The following KICS2 variants were observed in gnomAD, a reference collection of about 807,000 sequenced individuals.
KICS2 encodes the protein KICSTOR subunit 2, also known as KICSTOR complex protein C12orf66.
KICS2 carries 13 observed loss-of-function variants against 31.4 expected under a neutral mutation model. The observed-to-expected ratio is 0.41, with a 90% CI of 0.27 to 0.66. The LOEUF (loss-of-function observed/expected upper bound fraction) is 0.66. KICS2 is among the 30% of genes least tolerant of loss of function. KICS2 has a pLI of 0.28. For missense variants in KICS2, 455 were observed against 545.4 expected (o/e 0.83, Z 1.65); for synonymous variants, 209 against 214.8 (o/e 0.97, Z 0.24).
At chr12:64,203,185 G>A (rs1453351501) in intron 2 of KICS2, among the ~76,000 whole-genome samples, 1 of 152,160 alleles carries the variant, frequency 6.6e-6, no homozygotes, top group Non-Finnish European at 1.5e-5. Flanking sequence ...CAGAAATTTA[G>A]TCAATGTGGT....
rs2037410250 is a variant in KICS2, at chr12:64,194,257, T to A, written c.923A>T (p.Tyr308Phe). 6.2e-7 allele frequency: 1 copy of A among 1,614,228 alleles called. No individual in the cohort carries two copies. The highest frequency in any genetic ancestry group is 8.5e-7 in the Non-Finnish European group (1 of 1,180,046). The change falls in exon 3 of 3, where the codon TAT (tyrosine) becomes TTT (phenylalanine). Residue 308 changes from tyrosine (Y) to phenylalanine (F), a missense_variant. Tyr to Phe is a conservative substitution (Grantham distance 22). Coordinates refer to ENST00000398055, the MANE Select transcript of KICS2 (RefSeq NM_152440.5). ...AATTAAGGACACATTGGCAGCATCA[T>A]ATTTTCTGATGAAGCTGGAAATCTT... ...FGKISSFIRK[Y>F]DAANVSLIFD...
chr12:64,196,018 T>A (rs1476108607), intron 2 of KICS2, among the ~76,000 whole-genome samples: 5 of 152,054 alleles, frequency 3.3e-5, no homozygotes, highest in African/African-American at 1.2e-4. Context: ...GCAGCGAGGC[T>A]GGGGGAGGGG....
At chr12:64,218,533 T>C (rs1338402326) in intron 1 of KICS2, among the ~76,000 whole-genome samples, 2 of 152,232 alleles carry the variant, frequency 1.3e-5, no homozygotes, top group African/African-American at 2.4e-5. Context: ...CTGATACATT[T>C]TTTAAAACTC....
At chr12:64,212,405 A>G (rs1296996659) in intron 2 of KICS2, among the ~76,000 whole-genome samples, 2 of 152,216 alleles carry the variant, frequency 1.3e-5, no homozygotes, top group African/African-American at 4.8e-5. Flanking sequence ...GGTATTTCGC[A>G]TAATGGAAAT....
chr12:64,222,154 G>A lies in KICS2; in HGVS notation c.84C>T (p.Phe28=). 1 of 1,614,108 alleles carries A rather than the reference G, an allele frequency of 6.2e-7. No individual in the cohort carries two copies. The highest frequency in any genetic ancestry group is 8.5e-7 in the Non-Finnish European group (1 of 1,179,968). ...LETFFSHLGI[F]SYDKAKDNVE... ...CATTGTCCTTAGCCTTGTCGTAAGA[G>A]AAGATACCCAGGTGAGAGAAGAACG... is the stretch of plus-strand genomic sequence containing the variant. The change falls in exon 1 of 3, where the codon TTC becomes TTT. Residue 28 remains phenylalanine (F), a synonymous_variant. Coordinates refer to ENST00000398055, the MANE Select transcript of KICS2 (RefSeq NM_152440.5).
chr12:64,203,494 G>C (rs1227238962), intron 2 of KICS2, among the ~76,000 whole-genome samples: 1 of 152,160 alleles, frequency 6.6e-6, no homozygotes, highest in African/African-American at 2.4e-5. Context: ...GTAAAGGCAG[G>C]GGAAGTACTT....
At chr12:64,208,463 G>A (rs1009640761) in intron 2 of KICS2, among the ~76,000 whole-genome samples, 10 of 152,216 alleles carry the variant, frequency 6.6e-5, no homozygotes, top group Admixed American at 6.5e-4. Context: ...CAAATGACTA[G>A]GAGAGAGTGC....
Position 64,206,942 on chromosome 12 carries a change from T to C in KICS2, c.521+8736A>G, listed in dbSNP as rs114606578. Among the ~76,000 whole-genome samples, 1,131 of 152,198 alleles carry C rather than the reference T, an allele frequency of 7.4e-3. 18 individuals carry two copies. The highest frequency in any genetic ancestry group is 0.025 in the African/African-American group (1,052 of 41,540). ...GTTTCAGTGAGGCGAGATGAAAATA[T>C]TCTAAAGATCTACTACAAAAGACTG... On this transcript the variant is annotated intron_variant, in intron 2 of 2. Coordinates refer to ENST00000398055, the MANE Select transcript of KICS2 (RefSeq NM_152440.5).
Position 64,193,067 on chromosome 12 carries a change from G to A in KICS2, c.*775C>T, listed in dbSNP as rs1003814560. ...AGCAGAAAAGTGATAAACAGAAAGCGAAGCGGATAATATGCTGAAGAATGA... is the reference window on the plus strand; with the variant it reads ...AGCAGAAAAGTGATAAACAGAAAGCAAAGCGGATAATATGCTGAAGAATGA... On this transcript the variant is annotated 3_prime_UTR_variant, in exon 3 of 3. Transcript: ENST00000398055. 1.4e-5 allele frequency: 14 copies of A among 985,314 alleles called. No individual in the cohort carries two copies. In the East Asian group the frequency reaches 7.9e-4, roughly 56 times the overall value. 61.0% of individuals were successfully genotyped at this position (985,314 alleles called of 1,614,324 possible). A position where few individuals can be genotyped will look rare whatever the true frequency, so the allele number is the denominator to read the frequency against.
rs2037692964 is a variant in KICS2 at position 64,222,291 on chromosome 12, G to C, written c.-54C>G. ...GGCTCTCCTCGGCCTCGCACTTCCG[G>C]GTTCTGAGGGAACGGGCTTGCGCAC... is the stretch of plus-strand genomic sequence containing the variant. On this transcript the variant is annotated 5_prime_UTR_variant, in exon 1 of 3. Coordinates refer to ENST00000398055, the MANE Select transcript of KICS2 (RefSeq NM_152440.5). The C allele has an allele frequency of 1.3e-6, 2 of 1,589,278 alleles. No individual in the cohort carries two copies. The highest frequency in any genetic ancestry group is 8.6e-7 in the Non-Finnish European group (1 of 1,167,966).
In KICS2 at chr12:64,222,197, T is replaced by C; in HGVS notation, c.41A>G (p.Glu14Gly). 6.2e-7 allele frequency: 1 copy of C among 1,614,024 alleles called. No homozygotes were observed. The highest frequency in any genetic ancestry group is 2.2e-5 in the East Asian group (1 of 44,856). ...SIPLAAPVPV[E>G]QAVLETFFSH... is the part of the protein sequence containing the mutation. ...GAAGAACGTCTCCAGCACCGCCTGT[T>C]CCACCGGGACCGGGGCGGCCAGCGG... Residue 14 changes from glutamate to glycine, a missense_variant, in exon 1 of 3, where the codon GAA becomes GGA. By Grantham distance (98) the Glu-to-Gly change is moderately conservative. Transcript: ENST00000398055.
chr12:64,201,559 A>T (rs1460642958), intron 2 of KICS2, among the ~76,000 whole-genome samples: 1 of 139,300 alleles, frequency 7.2e-6, no homozygotes, highest in Non-Finnish European at 1.6e-5. Context: ...TACATATGTA[A>T]CTAACCTGCA....
At chr12:64,212,608 C>G (rs1014846949) in intron 2 of KICS2, among the ~76,000 whole-genome samples, 1 of 152,088 alleles carries the variant, frequency 6.6e-6, no homozygotes, top group African/African-American at 2.4e-5. Flanking sequence ...TGCTTCTGCC[C>G]TTTGGCTATC....
intron 2 of KICS2, among the ~76,000 whole-genome samples, chr12:64,205,435 C>T (rs527521026): frequency 4.4e-4 from 67 of 152,276 alleles, no homozygotes; most frequent in African/African-American, 1.3e-3. Flanking sequence ...TCCACTCTGC[C>T]ATGTGCCTCA....
At chr12:64,214,401 A>T (rs1228858538) in intron 2 of KICS2, among the ~76,000 whole-genome samples, 1 of 152,236 alleles carries the variant, frequency 6.6e-6, no homozygotes, top group African/African-American at 2.4e-5. Context: ...GGATAGTGAG[A>T]GAAGCCTTCT....
Position 64,215,946 on chromosome 12 carries a change from T to C in KICS2, c.253A>G (p.Ser85Gly). 1.9e-6 allele frequency: 3 copies of C among 1,610,744 alleles called. No individual in the cohort carries two copies. The highest frequency in any genetic ancestry group is 2.2e-5 in the East Asian group (1 of 44,782). ...ATGGTGCGGATGGAATCCTTCCTGC[T>C]GAAGAAAGACTGGCCCCCTGGTAGG... Reference protein sequence around the residue: ...GQKLGGQSFFSRKDSIRTIYT... With the variant: ...GQKLGGQSFFGRKDSIRTIYT... Residue 85 changes from serine (S) to glycine (G), a missense_variant, in exon 2 of 3, where the codon AGC becomes GGC. Transcript: ENST00000398055.
chr12:64,216,985 T>C (rs566181055), intron 1 of KICS2, among the ~76,000 whole-genome samples: 48 of 152,354 alleles, frequency 3.2e-4, no homozygotes, highest in African/African-American at 1.1e-3. Flanking sequence ...AATTTTCTCT[T>C]CAATGAATTT....
downstream of KICS2, among the ~76,000 whole-genome samples, chr12:64,188,452 G>A (rs2037356353): frequency 1.3e-5 from 2 of 152,008 alleles, no homozygotes; most frequent in African/African-American, 4.8e-5. Context: ...TGAACCAGGA[G>A]GCAGAGGTTG....
downstream of KICS2, chr12:64,186,606 A>T (rs1354805196): frequency 1.3e-5 from 2 of 152,246 alleles, no homozygotes; most frequent in Middle Eastern, 3.2e-3. Flanking sequence ...GAGGCTATTT[A>T]AACATAATGA....
Sources: gnomAD v4.1 joint callset for allele counts (sites outside exome capture counted in the v4.1 genomes callset) on GRCh38, gnomAD v4.1.1 for gene constraint, MANE v1.5 for transcripts, NCBI Gene and HGNC (gene_info 2026-07-23, HGNC 2026-07-21) for gene names.